Variants in CALN1 observed in about 807,000 individuals in gnomAD.
The protein encoded by CALN1 is calcium-binding protein 8.
In CALN1, 17 loss-of-function variants were observed where a neutral mutation model predicts 30.6. The observed-to-expected ratio is 0.56, with a 90% CI of 0.38 to 0.83. The LOEUF (loss-of-function observed/expected upper bound fraction) is 0.83, where lower values mean the gene tolerates loss of function less well. Among genes scored for constraint, CALN1 ranks in the 40% least tolerant of loss-of-function variants. CALN1 has a pLI of 0.00. For missense variants in CALN1, 291 were observed against 354.9 expected, an observed-to-expected ratio of 0.82 and a Z score of 1.45; for synonymous variants, 156 against 131.4, an observed-to-expected ratio of 1.19 and a Z score of -1.28.
intron 3 of CALN1, among the ~76,000 whole-genome samples, chr7:72,122,298 T>C (rs996881275): frequency 6.6e-6 from 1 of 152,170 alleles, no homozygotes; most frequent in African/African-American, 2.4e-5. Context: ...AATCATTTTG[T>C]GGATTTAGCA....
At chr7:72,096,545 A>G (rs1806246890) in intron 4 of CALN1, among the ~76,000 whole-genome samples, 1 of 150,868 alleles carries the variant, frequency 6.6e-6, no homozygotes, top group Non-Finnish European at 1.5e-5. Flanking sequence ...GATGGCTCAC[A>G]CCTGTAATCC....
Position 72,200,360 on chromosome 7 carries a change from G to A in CALN1, c.244+78326C>T, listed in dbSNP as rs192307729. ...TCTCTGTGAACTAGAAATGTTAATA[G>A]TGCCTACCTCATATTTTAAAACATG... On this transcript the variant is annotated intron_variant, in intron 3 of 6. Transcript: ENST00000395275. 4.6e-5 allele frequency among the ~76,000 whole-genome samples: 7 copies of A among 152,254 alleles called. No homozygotes were observed. In the East Asian group the frequency reaches 1.4e-3, roughly 29 times the overall value.
chr7:71,896,209 T>C (rs1793522624), intron 5 of CALN1, among the ~76,000 whole-genome samples: 1 of 152,208 alleles, frequency 6.6e-6, no homozygotes, highest in Admixed American at 6.5e-5. Flanking sequence ...GGACGTGATT[T>C]GATTGGTAAT....
intron 2 of CALN1, among the ~76,000 whole-genome samples, chr7:72,314,838 T>TAA (rs10538743): frequency 5.6e-5 from 8 of 144,084 alleles, no homozygotes; most frequent in African/African-American, 7.6e-5. Flanking sequence ...AACATTTTGT[T>TAA]AAAAAAAAAA....
intron 1 of CALN1, among the ~76,000 whole-genome samples, chr7:72,439,975 T>TATAA (rs1808300996): frequency 6.6e-6 from 1 of 152,154 alleles, no homozygotes. Flanking sequence ...AAAAGATCCA[T>TATAA]GTATAAGTGG....
At chr7:71,819,306 T>C (rs1014183705) in intron 5 of CALN1, among the ~76,000 whole-genome samples, 2 of 151,952 alleles carry the variant, frequency 1.3e-5, no homozygotes, top group African/African-American at 4.8e-5. Flanking sequence ...CCTTCCGGTT[T>C]CAAGCAATTC....
chr7:72,165,504 C>T (rs1400958167), intron 3 of CALN1, among the ~76,000 whole-genome samples: 1 of 151,834 alleles, frequency 6.6e-6, no homozygotes, highest in Non-Finnish European at 1.5e-5. Flanking sequence ...AGGAGGATCG[C>T]TTAAACCCAG....
intron 2 of CALN1, chr7:72,336,836 C>T: frequency 1.0e-6 from 1 of 985,120 alleles, no homozygotes; most frequent in Non-Finnish European, 1.2e-6. Context: ...CAGCCTCTCG[C>T]TCACACCCCC....
At chr7:72,173,406 T>C (rs1430719620) in intron 3 of CALN1, among the ~76,000 whole-genome samples, 1 of 152,126 alleles carries the variant, frequency 6.6e-6, no homozygotes, top group African/African-American at 2.4e-5. Context: ...ACAGAGTTAA[T>C]GCAATTACTA....
chr7:72,111,663 G>A (rs565072835), intron 3 of CALN1, among the ~76,000 whole-genome samples: 2 of 152,080 alleles, frequency 1.3e-5, no homozygotes, highest in South Asian at 4.1e-4. Flanking sequence ...GCCCAGGCTG[G>A]TCTCAAACAC....
Position 72,006,626 on chromosome 7 carries a change from A to C in CALN1, c.501+17031T>G, listed in dbSNP as rs148371274. On this transcript the variant is annotated intron_variant, in intron 5 of 6. Transcript: ENST00000395275. ...AGGTTATACCCAGTGAAAACAAATA[A>C]AGAGAAAATGAGATGAGGTTAGTAT... 3.7e-4 allele frequency among the ~76,000 whole-genome samples: 57 copies of C among 152,302 alleles called. 2 individuals carry two copies. The East Asian group carries it at 0.01, about 28-fold the overall frequency.
chr7:72,359,318 A>C lies in CALN1; in HGVS notation c.119+43933T>G, dbSNP rs1352854582. Among the ~76,000 whole-genome samples the C allele has an allele frequency of 2.6e-5, 4 of 152,304 alleles. No individual in the cohort carries two copies. The East Asian group carries it at 5.8e-4, about 22-fold the overall frequency. ...TATTCCAATGTGAAAAACAATATTC[A>C]ATAACACATCTCCCTCCCCGTTTCG... On this transcript the variant is annotated intron_variant, in intron 2 of 6. Coordinates refer to ENST00000395275, the MANE Select transcript of CALN1 (RefSeq NM_031468.4).
At chr7:71,801,130 A>C (rs1408878574) in intron 6 of CALN1, among the ~76,000 whole-genome samples, 1 of 152,224 alleles carries the variant, frequency 6.6e-6, no homozygotes, top group Non-Finnish European at 1.5e-5. Context: ...ATGCCCCTGC[A>C]AAAGACATGA....
At chr7:72,503,493 G>C in the CALN1 span, among the ~76,000 whole-genome samples, 2 of 152,120 alleles carry the variant, frequency 1.3e-5, no homozygotes, top group African/African-American at 4.8e-5. Flanking sequence ...AGAAATACCT[G>C]CAGCCTTCCG....
chr7:71,887,386 C>A (rs1257803049), intron 5 of CALN1, among the ~76,000 whole-genome samples: 1 of 152,212 alleles, frequency 6.6e-6, no homozygotes, highest in Non-Finnish European at 1.5e-5. Context: ...ACCTCCACTT[C>A]CTGGGTTCAA....
intron 2 of CALN1, among the ~76,000 whole-genome samples, chr7:72,370,216 A>G (rs1804144379): frequency 1.3e-5 from 2 of 152,180 alleles, no homozygotes; most frequent in South Asian, 2.1e-4. Context: ...CTAATGATCA[A>G]TGATGTTGAA....
chr7:72,183,322 G>T (rs186986527), intron 3 of CALN1, among the ~76,000 whole-genome samples: 14 of 152,272 alleles, frequency 9.2e-5, no homozygotes, highest in Non-Finnish European at 1.6e-4. Context: ...AGGCAAGGAG[G>T]GGGAGAGGGT....
intron 2 of CALN1, among the ~76,000 whole-genome samples, chr7:72,357,338 C>T (rs931889155): frequency 6.6e-6 from 1 of 151,984 alleles, no homozygotes; most frequent in South Asian, 2.1e-4. Context: ...TCCTCCTGCA[C>T]CACAGATCAG....
At chr7:72,315,577 T>G (rs1412996343) in intron 2 of CALN1, among the ~76,000 whole-genome samples, 1 of 151,892 alleles carries the variant, frequency 6.6e-6, no homozygotes, top group Non-Finnish European at 1.5e-5. Flanking sequence ...TGGTGGTGGA[T>G]GCCTGTAGTC....
Sources: gnomAD v4.1 joint callset for allele counts (sites outside exome capture counted in the v4.1 genomes callset) on GRCh38, gnomAD v4.1.1 for gene constraint, MANE v1.5 for transcripts, NCBI Gene and HGNC (gene_info 2026-07-23, HGNC 2026-07-21) for gene names.